The following CCDC77 variants were observed in gnomAD, a reference collection of about 807,000 sequenced individuals.
CCDC77 encodes coiled-coil domain containing 77.
A neutral mutation model predicts 66.8 loss-of-function variants in CCDC77; 56 were observed. That is an observed-to-expected ratio of 0.84 (90% CI 0.68 to 1.05). The LOEUF (loss-of-function observed/expected upper bound fraction) is 1.05. Among genes scored for constraint, CCDC77 ranks in the 50% least tolerant of loss-of-function variants. The pLI, the probability that CCDC77 is intolerant of heterozygous loss-of-function variation, is 0.00. For missense variants in CCDC77, 570 were observed against 576.8 expected, an observed-to-expected ratio of 0.99 and a Z score of 0.12; for synonymous variants, 196 against 195.2, an observed-to-expected ratio of 1.00 and a Z score of -0.03.
chr12:392,929 G>A (rs1944776334), intron 1 of CCDC77, among the ~76,000 whole-genome samples: 2 of 151,242 alleles, frequency 1.3e-5, no homozygotes, highest in South Asian at 2.1e-4. Flanking sequence ...AAAAAATCTG[G>A]TGAGAAGAGT....
Position 411,726 on chromosome 12 carries a change from ATCATTTCTAATT to A in CCDC77, c.39-17_39-6del. ...AACTTTCGCAGAGTGTGATGAATAT[ATCATTTCTAATT>A]TCACGTAGGCGAACAGTTGTCTCCA... On this transcript the variant is annotated splice_polypyrimidine_tract_variant and intron_variant, in intron 3 of 12. Coordinates refer to ENST00000239830, the MANE Select transcript of CCDC77 (RefSeq NM_032358.4). The A allele has an allele frequency of 6.3e-7, 1 of 1,594,930 alleles. No individual in the cohort carries two copies. Among genetic ancestry groups the A allele is most frequent in the South Asian group, 1.1e-5 (1 of 90,262 alleles).
At chr12:416,365 G>A (rs866664045) in intron 4 of CCDC77, among the ~76,000 whole-genome samples, 1,721 of 38,600 alleles carry the variant, frequency 0.045, 164 homozygotes, top group South Asian at 0.18. Flanking sequence ...GTGTGTGTGT[G>A]TGTGTGTGTG....
chr12:435,983 T>G (rs1192511267), intron 9 of CCDC77, among the ~76,000 whole-genome samples: 3 of 152,154 alleles, frequency 2.0e-5, no homozygotes, highest in African/African-American at 7.2e-5. Context: ...CAAGCAATCC[T>G]CTCACCTCAG....
rs1176084911 is a variant in CCDC77 at position 423,458 on chromosome 12, GGTGTTTTTT to G, written c.413+4841_413+4849del. Among the ~76,000 whole-genome samples, 18 of 114,488 alleles carry G rather than the reference GGTGTTTTTT, an allele frequency of 1.6e-4. 1 individual carries two copies. The highest frequency in any genetic ancestry group is 2.9e-4 in the Admixed American group (3 of 10,420). 75.1% of individuals were successfully genotyped at this position (114,488 alleles called of 152,430 possible). ...CCTGGCCAACACTTGTTATTTTCTG[GGTGTTTTTT>G]GTGTTTTTTGTGTTTTTTTTTGTTT... is the stretch of plus-strand genomic sequence containing the variant. On this transcript the variant is annotated intron_variant, in intron 5 of 12. Transcript: ENST00000239830.
At chr12:405,839 C>T (rs1002119180) in intron 2 of CCDC77, among the ~76,000 whole-genome samples, 9 of 151,956 alleles carry the variant, frequency 5.9e-5, no homozygotes, top group African/African-American at 2.2e-4. Flanking sequence ...TAGATAAAAA[C>T]CCGCTGCCTT....
In CCDC77 at chr12:423,477, GTGTTTTTTTTTGTTTTGTTT is replaced by G. The variant is rs1945462937; in HGVS notation, c.413+4843_413+4862del. Among the ~76,000 whole-genome samples the G allele has an allele frequency of 2.0e-4, 5 of 24,958 alleles. 1 individual carries two copies. The highest frequency in any genetic ancestry group is 5.2e-4 in the Non-Finnish European group (5 of 9,532). 16.4% of individuals were successfully genotyped at this position (24,958 alleles called of 152,430 possible). ...TTTCTGGGTGTTTTTTGTGTTTTTT[GTGTTTTTTTTTGTTTTGTTT>G]TTTTTTTTTTTTTTTTGAGACAGGG... On this transcript the variant is annotated intron_variant, in intron 5 of 12. Transcript: ENST00000239830.
chr12:403,566 T>C (rs1207897864), intron 1 of CCDC77, among the ~76,000 whole-genome samples: 1 of 152,210 alleles, frequency 6.6e-6, no homozygotes, highest in Non-Finnish European at 1.5e-5. Context: ...CAATCTCAGC[T>C]CAGTGCAGCC....
rs761673333 is a variant in CCDC77, at chr12:440,904, G to C, written c.1228G>C (p.Glu410Gln). ...AATGACAAAACGCTATGAGGCATTG[G>C]AGCGTCGACGTATCCTGGAAGTAGA... ...QIMTKRYEALERRRILEVEGF... is the reference protein window; with the variant it reads ...QIMTKRYEALQRRRILEVEGF... Residue 410 changes from glutamate (E) to glutamine (Q), a missense_variant, in exon 12 of 13, where the codon GAG (glutamate) becomes CAG (glutamine). By Grantham distance (29) the Glu-to-Gln change is conservative. Transcript: ENST00000239830. 4.3e-6 allele frequency: 7 copies of C among 1,613,798 alleles called. No individual in the cohort carries two copies. In the Admixed American group the frequency reaches 1.2e-4, roughly 27 times the overall value.
At chr12:412,662 G>C (rs1420595894) in intron 4 of CCDC77, among the ~76,000 whole-genome samples, 3 of 152,214 alleles carry the variant, frequency 2.0e-5, no homozygotes, top group African/African-American at 7.2e-5. Context: ...TGGATGTGCA[G>C]AGTCACTCCT....
rs1046135737 is a variant in CCDC77 at position 411,766 on chromosome 12, C to T, written c.58C>T (p.Arg20Cys). 1.2e-5 allele frequency: 19 copies of T among 1,613,462 alleles called. 1 individual carries two copies. The highest frequency in any genetic ancestry group is 4.0e-5 in the African/African-American group (3 of 74,844). The change falls in exon 4 of 13, where the codon CGT becomes TGT. Residue 20 changes from arginine (R) to cysteine (C), a missense_variant. Physicochemically the swap from Arg to Cys is radical, Grantham distance 180 (BLOSUM62 -3). Coordinates refer to ENST00000239830, the MANE Select transcript of CCDC77 (RefSeq NM_032358.4). ...VCRKRTVVSK[R>C]GVAVSGPTKR... ...ACGTAGGCGAACAGTTGTCTCCAAACGTGGTGTTGCCGTCAGTGGTCCCAC... is the reference window on the plus strand; with the variant it reads ...ACGTAGGCGAACAGTTGTCTCCAAATGTGGTGTTGCCGTCAGTGGTCCCAC...
At chr12:410,336 T>C (rs1378284536) in intron 3 of CCDC77, among the ~76,000 whole-genome samples, 11 of 151,954 alleles carry the variant, frequency 7.2e-5, no homozygotes, top group Admixed American at 5.3e-4. Flanking sequence ...GGCATGATCT[T>C]GGCTCACCGC....
At chr12:394,550 C>T (rs1393062325) in intron 1 of CCDC77, among the ~76,000 whole-genome samples, 2 of 152,228 alleles carry the variant, frequency 1.3e-5, no homozygotes, top group African/African-American at 4.8e-5. Flanking sequence ...CTTAGTATTA[C>T]CACGGTCAAT....
At chr12:390,959 G>A (rs750532315) in intron 1 of CCDC77, among the ~76,000 whole-genome samples, 6 of 152,136 alleles carry the variant, frequency 3.9e-5, no homozygotes, top group Non-Finnish European at 7.3e-5. Flanking sequence ...GATGAGAGTG[G>A]AAGCAAAGAC....
At chr12:436,351 T>TCTC (rs1266284806) in intron 9 of CCDC77, among the ~76,000 whole-genome samples, 4 of 151,768 alleles carry the variant, frequency 2.6e-5, no homozygotes, top group Admixed American at 6.6e-5. Context: ...ATGGTCTCGA[T>TCTC]CTGACCTCGT....
intron 10 of CCDC77, among the ~76,000 whole-genome samples, chr12:440,326 T>C (rs1033242318): frequency 6.6e-6 from 1 of 152,238 alleles, no homozygotes; most frequent in African/African-American, 2.4e-5. Flanking sequence ...GCCCAAAACA[T>C]ATATTGTAAT....
intron 4 of CCDC77, among the ~76,000 whole-genome samples, chr12:415,299 C>T (rs11062847): frequency 0.55 from 60,328 of 108,910 alleles, 16,811 homozygotes; most frequent in South Asian, 0.68. Flanking sequence ...TTAATATAAT[C>T]AACATAATAT....
chr12:430,224 C>A (rs901065350), intron 6 of CCDC77, among the ~76,000 whole-genome samples: 17 of 151,886 alleles, frequency 1.1e-4, no homozygotes, highest in African/African-American at 3.9e-4. Context: ...AACTCCCGAC[C>A]TCAGGTGATC....
rs1379285975 is a variant in CCDC77, at chr12:433,272, A to G, written c.771A>G (p.Ile257Met). ...IEDRRIHLEE[I>M]QVQHQRNQNK... ...ACAGACGGATTCACCTTGAGGAAATACAAGTTCAGCACCAGAGAAATCAGA... is the reference window on the plus strand; with the variant it reads ...ACAGACGGATTCACCTTGAGGAAATGCAAGTTCAGCACCAGAGAAATCAGA... The change falls in exon 9 of 13, where the codon ATA (isoleucine) becomes ATG (methionine). Residue 257 changes from isoleucine (I) to methionine (M), a missense_variant. Transcript: ENST00000239830. 1.9e-6 allele frequency: 3 copies of G among 1,614,000 alleles called. No individual in the cohort carries two copies. Among genetic ancestry groups the G allele is most frequent in the Non-Finnish European group, 2.5e-6 (3 of 1,180,026 alleles).
chr12:416,344 GGT>G (rs1174833426), intron 4 of CCDC77, among the ~76,000 whole-genome samples: 576 of 36,838 alleles, frequency 0.016, 19 homozygotes, highest in East Asian at 0.038. Flanking sequence ...GGTGTGTGGG[GGT>G]GTGTGTGTGT....
Sources: allele counts gnomAD v4.1 joint callset (sites outside exome capture counted in the v4.1 genomes callset), GRCh38; gene constraint gnomAD v4.1.1; transcripts MANE v1.5; gene names NCBI Gene and HGNC (gene_info 2026-07-23, HGNC 2026-07-21).